The following ZFP42 variants were observed in gnomAD, a reference collection of about 807,000 sequenced individuals.
ZFP42 encodes the protein zinc finger protein 42 homolog.
For synonymous variants in ZFP42, 175 were observed against 144.6 expected (o/e 1.21, Z -1.51); for missense variants, 438 against 377.1 (o/e 1.16, Z -1.34).
chr4:188,003,706 C>A lies in ZFP42; in HGVS notation c.899C>A (p.Ala300Glu). 1 of 1,612,846 alleles carries A rather than the reference C, an allele frequency of 6.2e-7. No homozygotes were observed. The highest frequency in any genetic ancestry group is 8.5e-7 in the Non-Finnish European group (1 of 1,179,052). Residue 300 changes from alanine to glutamate, a missense_variant, in exon 4 of 4, where the codon GCA becomes GAA. Coordinates refer to ENST00000326866, the MANE Select transcript of ZFP42 (RefSeq NM_174900.5). ...NNLKAHILTH[A>E]NTNKNEQEGK ...CTGAAAGCCCACATCCTAACGCATG[C>A]AAATACGAACAAGAATGAACAAGAG... is the stretch of plus-strand genomic sequence containing the variant.
chr4:188,002,899 A>T lies in ZFP42; in HGVS notation c.92A>T (p.Lys31Met). ...APSGAKPRQG[K>M]SSQDLQAEIE... ...AGTGGGGCTAAGCCCAGGCAAGGCA[A>T]GTCAAGCCAAGACCTGCAGGCGGAA... is the stretch of plus-strand genomic sequence containing the variant. The change falls in exon 4 of 4, where the codon AAG becomes ATG. Residue 31 changes from lysine (K) to methionine (M), a missense_variant. By Grantham distance (95) the Lys-to-Met change is moderately conservative. Coordinates refer to ENST00000326866, the MANE Select transcript of ZFP42 (RefSeq NM_174900.5). The T allele has an allele frequency of 6.2e-7, 1 of 1,614,218 alleles. No individual in the cohort carries two copies. The highest frequency in any genetic ancestry group is 1.1e-5 in the South Asian group (1 of 91,088).
At chr4:187,998,267 C>T (rs914527290) in intron 1 of ZFP42, among the ~76,000 whole-genome samples, 3 of 151,814 alleles carry the variant, frequency 2.0e-5, no homozygotes, top group Non-Finnish European at 4.4e-5. Flanking sequence ...ACCTGGGAGG[C>T]GGAGGTTGCT....
rs1304210185 is a variant in ZFP42 at position 188,004,857 on chromosome 4, T to G, written c.*1117T>G. 1.2e-5 allele frequency: 2 copies of G among 167,112 alleles called. No individual in the cohort carries two copies. Among genetic ancestry groups the G allele is most frequent in the Admixed American group, 1.3e-4 (2 of 15,274 alleles). 10.4% of individuals were successfully genotyped at this position (167,112 alleles called of 1,614,324 possible). ...GCCCTAGAGAATGAAAAATTTGCAG[T>G]AGATAGTCAATAAATGAATCAGTAG... is the stretch of plus-strand genomic sequence containing the variant. On this transcript the variant is annotated 3_prime_UTR_variant, in exon 4 of 4. Transcript: ENST00000326866.
At position 188,003,974 on chromosome 4, in the gene ZFP42, T is replaced by C; in HGVS notation, c.*234T>C. ...TTTTTTTATTTGTTTTATTTAGAAC[T>C]TTGTGTGTTCTTAAAGTGTGCTTCC... On this transcript the variant is annotated 3_prime_UTR_variant, in exon 4 of 4. Coordinates refer to ENST00000326866, the MANE Select transcript of ZFP42 (RefSeq NM_174900.5). The C allele has an allele frequency of 2.3e-6, 1 of 438,196 alleles. No homozygotes were observed. Among genetic ancestry groups the C allele is most frequent in the Non-Finnish European group, 4.2e-6 (1 of 239,922 alleles). 27.1% of individuals were successfully genotyped at this position (438,196 alleles called of 1,614,324 possible).
At position 188,003,056 on chromosome 4, in the gene ZFP42, A is replaced by G; in HGVS notation, c.249A>G (p.Gln83=). The G allele has an allele frequency of 6.2e-7, 1 of 1,614,130 alleles. No individual in the cohort carries two copies. The highest frequency in any genetic ancestry group is 1.1e-5 in the South Asian group (1 of 91,082). Residue 83 remains glutamine (Q), a synonymous_variant, in exon 4 of 4, where the codon CAA becomes CAG. Transcript: ENST00000326866. ...IECVIRGEFS[Q]PILEEDSLFE... is the part of the protein sequence containing the mutation. Reference sequence around the variant, plus strand: ...GCGTCATAAGGGGTGAGTTTTCTCAACCCATCCTGGAAGAGGACTCACTTT... The same window carrying G: ...GCGTCATAAGGGGTGAGTTTTCTCAGCCCATCCTGGAAGAGGACTCACTTT...
At chr4:188,001,682 C>T (rs1437886371) in intron 3 of ZFP42, among the ~76,000 whole-genome samples, 1 of 152,212 alleles carries the variant, frequency 6.6e-6, no homozygotes, top group Non-Finnish European at 1.5e-5. Flanking sequence ...AAGCTAAAAT[C>T]TGGCCCTTTG....
rs71595201 is a variant in ZFP42, at chr4:187,997,228, C to CTTTTTTTTTTTTTTTTT, written c.-339+1394_-339+1410dup. ...CCTCGGTTACTTCCCCTCTCATATT[C>CTTTTTTTTTTTTTTTTT]TTTTTTTTTTTTTTTTTTTTTTGAG... is the stretch of plus-strand genomic sequence containing the variant. On this transcript the variant is annotated intron_variant, in intron 1 of 3. Transcript: ENST00000326866. 9.1e-3 allele frequency among the ~76,000 whole-genome samples: 546 copies of CTTTTTTTTTTTTTTTTT among 60,024 alleles called. 135 individuals are homozygous for CTTTTTTTTTTTTTTTTT. The highest frequency in any genetic ancestry group is 0.016 in the African/African-American group (210 of 12,744). The allele number at this position is 60,024 out of a possible 152,430, so 39.4% of individuals were successfully genotyped here. A position where few individuals can be genotyped will look rare whatever the true frequency, so the allele number is the denominator to read the frequency against.
At chr4:187,997,256 A>T (rs1233481253) in intron 1 of ZFP42, among the ~76,000 whole-genome samples, 2 of 21,918 alleles carry the variant, frequency 9.1e-5, no homozygotes, top group African/African-American at 6.9e-4. Context: ...TTTTTGAGAC[A>T]GAGTTTTGCT....
intron 3 of ZFP42, among the ~76,000 whole-genome samples, chr4:188,001,244 T>C (rs1396252858): frequency 6.6e-6 from 1 of 152,102 alleles, no homozygotes; most frequent in African/African-American, 2.4e-5. Flanking sequence ...TTTAAAGGCA[T>C]ATAATTTTTC....
chr4:187,997,522 C>T (rs1015692199), intron 1 of ZFP42, among the ~76,000 whole-genome samples: 1 of 151,888 alleles, frequency 6.6e-6, no homozygotes, highest in African/African-American at 2.4e-5. Flanking sequence ...CCACCGCTCC[C>T]GGTCCCACCC....
At chr4:187,998,594 CT>C (rs1447180773) in intron 1 of ZFP42, among the ~76,000 whole-genome samples, 2 of 152,104 alleles carry the variant, frequency 1.3e-5, no homozygotes, top group Non-Finnish European at 2.9e-5. Flanking sequence ...CATTTTTTAT[CT>C]TTTGTACAGT....
intron 3 of ZFP42, 150 bp from the exon 4 acceptor site, chr4:188,002,563 C>T (rs1169106165): frequency 7.8e-6 from 4 of 509,986 alleles, no homozygotes; most frequent in Non-Finnish European, 3.5e-6. Flanking sequence ...CTGTTTATGA[C>T]TCATGTCTTA....
chr4:188,001,524 A>G lies in ZFP42; in HGVS notation c.-95-1189A>G, dbSNP rs73019320. On this transcript the variant is annotated intron_variant, in intron 3 of 3. Coordinates refer to ENST00000326866, the MANE Select transcript of ZFP42 (RefSeq NM_174900.5). Reference sequence around the variant, plus strand: ...CTCTGGATCCCCATTTTTTAGAACAATGAGTGGGCACACGATGGCCCATGG... The same window carrying G: ...CTCTGGATCCCCATTTTTTAGAACAGTGAGTGGGCACACGATGGCCCATGG... Among the ~76,000 whole-genome samples, 41 of 152,182 alleles carry G rather than the reference A, an allele frequency of 2.7e-4. No individual in the cohort carries two copies. The South Asian group carries it at 5.2e-3, about 19-fold the overall frequency.
chr4:188,001,750 T>C (rs1733830965), intron 3 of ZFP42, among the ~76,000 whole-genome samples: 1 of 152,226 alleles, frequency 6.6e-6, no homozygotes, highest in South Asian at 2.1e-4. Flanking sequence ...GGATGCAACA[T>C]ATACTTGTAG....
At chr4:187,998,198 T>C (rs1270045851) in intron 1 of ZFP42, among the ~76,000 whole-genome samples, 2 of 151,992 alleles carry the variant, frequency 1.3e-5, no homozygotes, top group Non-Finnish European at 2.9e-5. Context: ...TAGCTGGGCG[T>C]GGTGACACAT....
At position 188,003,571 on chromosome 4, in the gene ZFP42, G is replaced by C. The variant is rs779049681; in HGVS notation, c.764G>C (p.Arg255Pro). The C allele has an allele frequency of 1.9e-6, 3 of 1,613,486 alleles. No individual in the cohort carries two copies. The highest frequency in any genetic ancestry group is 3.3e-5 in the Admixed American group (2 of 60,016). The change falls in exon 4 of 4, where the codon CGC becomes CCC. Residue 255 changes from arginine (R) to proline (P), a missense_variant. Arg to Pro is a moderately radical substitution (Grantham distance 103, BLOSUM62 -2). Coordinates refer to ENST00000326866, the MANE Select transcript of ZFP42 (RefSeq NM_174900.5). Reference protein sequence around the residue: ...FRCTFEGCGKRFSLDFNLRTH... With the variant: ...FRCTFEGCGKPFSLDFNLRTH... Reference sequence around the variant, plus strand: ...TGCACTTTTGAAGGGTGCGGAAAGCGCTTCTCTCTGGACTTTAATTTGCGT... The same window carrying C: ...TGCACTTTTGAAGGGTGCGGAAAGCCCTTCTCTCTGGACTTTAATTTGCGT...
chr4:188,003,991 T>G lies in ZFP42; in HGVS notation c.*251T>G, dbSNP rs1164551170. 5.2e-6 allele frequency: 2 copies of G among 382,458 alleles called. No homozygotes were observed. Among genetic ancestry groups the G allele is most frequent in the South Asian group, 5.6e-5 (1 of 17,858 alleles). 23.7% of individuals were successfully genotyped at this position (382,458 alleles called of 1,614,324 possible). A position where few individuals can be genotyped will look rare whatever the true frequency, so the allele number is the denominator to read the frequency against. The stretch of plus-strand genomic sequence containing the variant: ...TTTAGAACTTTGTGTGTTCTTAAAG[T>G]GTGCTTCCAACAGGAAGGTCAGTGA... On this transcript the variant is annotated 3_prime_UTR_variant, in exon 4 of 4. Transcript: ENST00000326866.
At chr4:187,996,294 C>T (rs545692942) in intron 1 of ZFP42, among the ~76,000 whole-genome samples, 2 of 152,008 alleles carry the variant, frequency 1.3e-5, no homozygotes, top group East Asian at 1.9e-4. Flanking sequence ...TAGCAAAAAA[C>T]CTAGGAGACT....
chr4:188,003,863 G>A lies in ZFP42; in HGVS notation c.*123G>A. On this transcript the variant is annotated 3_prime_UTR_variant, in exon 4 of 4. Coordinates refer to ENST00000326866, the MANE Select transcript of ZFP42 (RefSeq NM_174900.5). ...GCAACCCCAAAAGCGGTTATAATTTGGTGTTACTAAGATGCTCCTACACTT... is the reference window on the plus strand; with the variant it reads ...GCAACCCCAAAAGCGGTTATAATTTAGTGTTACTAAGATGCTCCTACACTT... 3.8e-6 allele frequency: 4 copies of A among 1,040,648 alleles called. No individual in the cohort carries two copies. Among genetic ancestry groups the A allele is most frequent in the South Asian group, 3.5e-5 (2 of 57,488 alleles). The allele number at this position is 1,040,648 out of a possible 1,614,324, so 64.5% of individuals were successfully genotyped here.
Sources: gnomAD v4.1 joint callset for allele counts (sites outside exome capture counted in the v4.1 genomes callset) on GRCh38, gnomAD v4.1.1 for gene constraint, MANE v1.5 for transcripts, NCBI Gene and HGNC (gene_info 2026-07-23, HGNC 2026-07-21) for gene names.